The following MVB12B variants were observed in gnomAD, a reference collection of about 807,000 sequenced individuals.
MVB12B encodes the protein multivesicular body subunit 12B.
In MVB12B, 16 loss-of-function variants were observed where a neutral mutation model predicts 41.6. The ratio of observed to expected loss-of-function variants is 0.38; its 90% CI spans 0.26 to 0.58. The LOEUF (loss-of-function observed/expected upper bound fraction) is 0.58. MVB12B is among the 20% of genes least tolerant of loss of function. The pLI is 0.62. For missense variants in MVB12B, 274 were observed against 380.2 expected, an observed-to-expected ratio of 0.72 and a Z score of 2.32; for synonymous variants, 133 against 139.7, an observed-to-expected ratio of 0.95 and a Z score of 0.34.
In MVB12B at chr9:126,351,624, G is replaced by A. The variant is rs140903814; in HGVS notation, c.204+10994G>A. Reference sequence around the variant, plus strand: ...CTGCCTCAGCCCCCAAAGTAGCTGCGATTAACAGGCATGTGCCACCATGCC... The same window carrying A: ...CTGCCTCAGCCCCCAAAGTAGCTGCAATTAACAGGCATGTGCCACCATGCC... On this transcript the variant is annotated intron_variant, in intron 2 of 9. Coordinates refer to ENST00000361171, the MANE Select transcript of MVB12B (RefSeq NM_033446.3). Among the ~76,000 whole-genome samples, 268 of 151,754 alleles carry A rather than the reference G, an allele frequency of 1.8e-3. 1 individual carries two copies. The highest frequency in any genetic ancestry group is 6.2e-3 in the African/African-American group (258 of 41,354).
rs1378632767 is a variant in MVB12B, at chr9:126,391,351, C to G, written c.410-715C>G. 6.6e-6 allele frequency among the ~76,000 whole-genome samples: 1 copy of G among 152,166 alleles called. No homozygotes were observed. The highest frequency in any genetic ancestry group is 1.5e-5 in the Non-Finnish European group (1 of 68,032). On this transcript the variant is annotated intron_variant, in intron 4 of 9. Transcript: ENST00000361171. This position sits in a 1 kb window ranked among gnomAD's most constrained non-coding sequence, Gnocchi z 4.4. Reference sequence around the variant, plus strand: ...TCCAGAGTCAAATGATCTGGGAGGCCTGACACCCAGAGGCAGTGTTTCAGC... The same window carrying G: ...TCCAGAGTCAAATGATCTGGGAGGCGTGACACCCAGAGGCAGTGTTTCAGC...
Position 126,436,234 on chromosome 9 carries a change from G to A in MVB12B, c.757+14286G>A, listed in dbSNP as rs990754952. Reference sequence around the variant, plus strand: ...TTGGGGTCCTTTCTGGTCTGGAGGGGCTTGCCCTTTGATGATTGGGATGTT... The same window carrying A: ...TTGGGGTCCTTTCTGGTCTGGAGGGACTTGCCCTTTGATGATTGGGATGTT... On this transcript the variant is annotated intron_variant, in intron 7 of 9. Transcript: ENST00000361171. This position sits in a 1 kb window ranked among gnomAD's most constrained non-coding sequence, Gnocchi z 4.1. 6.6e-6 allele frequency among the ~76,000 whole-genome samples: 1 copy of A among 152,204 alleles called. No individual in the cohort carries two copies. The highest frequency in any genetic ancestry group is 1.5e-5 in the Non-Finnish European group (1 of 68,034).
chr9:126,480,187 G>A lies in MVB12B; in HGVS notation c.758-1182G>A, dbSNP rs1350176645. 2.6e-5 allele frequency among the ~76,000 whole-genome samples: 4 copies of A among 152,102 alleles called. No homozygotes were observed. The highest frequency in any genetic ancestry group is 9.7e-5 in the African/African-American group (4 of 41,414). ...CTGCATAGCCACCACCTCAGGGTGC[G>A]GCCACCCCTGACTTCGGGGCTCCGC... On this transcript the variant is annotated intron_variant, in intron 7 of 9. Transcript: ENST00000361171. The surrounding 1 kb of genome is among the most constrained non-coding windows in gnomAD (Gnocchi z 4.9).
chr9:126,392,179 C>A lies in MVB12B; in HGVS notation c.523C>A (p.Gln175Lys), dbSNP rs1830976332. 1 of 1,614,174 alleles carries A rather than the reference C, an allele frequency of 6.2e-7. No homozygotes were observed. The change falls in exon 5 of 10, where the codon CAG (glutamine) becomes AAG (lysine). Residue 175 changes from glutamine (Q) to lysine (K), a missense_variant. Physicochemically the swap from Gln to Lys is moderately conservative, Grantham distance 53 (BLOSUM62 1). Transcript: ENST00000361171. This position sits in a 1 kb window ranked among gnomAD's most constrained non-coding sequence, Gnocchi z 4.8. ...GGGCCGGACCAAGCAGGCCCCGCCT[C>A]AGTACACGTTTATTGGGTGAGTCTT... ...IMGRTKQAPP[Q>K]YTFIGELNSM...
intron 2 of MVB12B, among the ~76,000 whole-genome samples, chr9:126,378,659 T>TCTTC (rs1349112368): frequency 6.6e-6 from 1 of 151,992 alleles, no homozygotes; most frequent in African/African-American, 2.4e-5. Context: ...TCTCTTTCTT[T>TCTTC]CTTCCCACCT....
chr9:126,418,851 T>C (rs1244125351), intron 6 of MVB12B, among the ~76,000 whole-genome samples: 2 of 152,194 alleles, frequency 1.3e-5, no homozygotes, highest in Non-Finnish European at 2.9e-5. Context: ...AGCCTTCTCC[T>C]ACCCTGCCCT....
intron 2 of MVB12B, among the ~76,000 whole-genome samples, chr9:126,353,857 T>C (rs1275820702): frequency 6.6e-6 from 1 of 152,212 alleles, no homozygotes; most frequent in African/African-American, 2.4e-5. Flanking sequence ...TTCATACATC[T>C]CTGGGTGTGT....
chr9:126,374,544 G>C (rs1040311436), intron 2 of MVB12B, among the ~76,000 whole-genome samples: 2 of 152,226 alleles, frequency 1.3e-5, no homozygotes, highest in Non-Finnish European at 2.9e-5. Flanking sequence ...AGACAGGGGT[G>C]GGGGCCAGGT....
At chr9:126,380,165 A>C (rs1830594773) in intron 2 of MVB12B, among the ~76,000 whole-genome samples, 1 of 152,164 alleles carries the variant, frequency 6.6e-6, no homozygotes, top group Non-Finnish European at 1.5e-5. Context: ...AGGGAGGCTG[A>C]GTCAGAAAAC....
intron 6 of MVB12B, among the ~76,000 whole-genome samples, chr9:126,403,520 G>A (rs1435024629): frequency 6.6e-6 from 1 of 152,194 alleles, no homozygotes; most frequent in Non-Finnish European, 1.5e-5. Flanking sequence ...GTGTATTTCT[G>A]TTTGATCTTA....
At chr9:126,461,888 G>T (rs1049622690) in intron 7 of MVB12B, among the ~76,000 whole-genome samples, 2 of 152,224 alleles carry the variant, frequency 1.3e-5, no homozygotes, top group African/African-American at 4.8e-5. Flanking sequence ...CCACCCGCCA[G>T]CCATTCATCT....
At chr9:126,450,335 C>T (rs902178413) in intron 7 of MVB12B, among the ~76,000 whole-genome samples, 1 of 152,226 alleles carries the variant, frequency 6.6e-6, no homozygotes, top group African/African-American at 2.4e-5. Flanking sequence ...TGGACTCTTA[C>T]CGCCTGCTCC....
In MVB12B at chr9:126,468,259, C is replaced by T. The variant is rs1452946999; in HGVS notation, c.758-13110C>T. On this transcript the variant is annotated intron_variant, in intron 7 of 9. Transcript: ENST00000361171. The surrounding 1 kb of genome is among the most constrained non-coding windows in gnomAD (Gnocchi z 4.3). Reference sequence around the variant, plus strand: ...GTTACTTCCAAACTCACCCTCACATCCCCGCCCGCCAGGCCTCATTTCTGG... The same window carrying T: ...GTTACTTCCAAACTCACCCTCACATTCCCGCCCGCCAGGCCTCATTTCTGG... 6.6e-6 allele frequency among the ~76,000 whole-genome samples: 1 copy of T among 152,216 alleles called. No homozygotes were observed. The highest frequency in any genetic ancestry group is 1.5e-5 in the Non-Finnish European group (1 of 68,046).
rs1376330957 is a variant in MVB12B, at chr9:126,367,016, C to G, written c.205-14048C>G. Reference sequence around the variant, plus strand: ...CTGAATGTTCCCACGAGACAGAGGCCAGAATCCTTCCAAGGCTTCTCTGCT... The same window carrying G: ...CTGAATGTTCCCACGAGACAGAGGCGAGAATCCTTCCAAGGCTTCTCTGCT... On this transcript the variant is annotated intron_variant, in intron 2 of 9. Transcript: ENST00000361171. The surrounding 1 kb of genome is among the most constrained non-coding windows in gnomAD (Gnocchi z 4.3). Among the ~76,000 whole-genome samples, 1 of 152,180 alleles carries G rather than the reference C, an allele frequency of 6.6e-6. No homozygotes were observed. Among genetic ancestry groups the G allele is most frequent in the Admixed American group, 6.5e-5 (1 of 15,284 alleles).
chr9:126,329,345 C>T (rs910823087), intron 1 of MVB12B, among the ~76,000 whole-genome samples: 3 of 152,218 alleles, frequency 2.0e-5, no homozygotes, highest in African/African-American at 7.2e-5. Flanking sequence ...CAGGAGGTGG[C>T]GGTCCTCATG....
chr9:126,479,357 T>G (rs924465672), intron 7 of MVB12B, among the ~76,000 whole-genome samples: 1 of 152,200 alleles, frequency 6.6e-6, no homozygotes, highest in Non-Finnish European at 1.5e-5. Flanking sequence ...CACCTCTTCC[T>G]GGATATCCGG....
intron 2 of MVB12B, among the ~76,000 whole-genome samples, chr9:126,380,618 C>G (rs900023437): frequency 6.6e-6 from 1 of 152,160 alleles, no homozygotes; most frequent in African/African-American, 2.4e-5. Context: ...ACTGAAGCAC[C>G]CAGCTGGTCC....
intron 2 of MVB12B, among the ~76,000 whole-genome samples, chr9:126,358,653 C>A (rs1829947806): frequency 6.6e-6 from 1 of 152,202 alleles, no homozygotes; most frequent in Non-Finnish European, 1.5e-5. Flanking sequence ...ATTCTGCAAT[C>A]TTGTTAAACT....
intron 7 of MVB12B, among the ~76,000 whole-genome samples, chr9:126,454,337 G>A (rs1832938139): frequency 6.6e-6 from 1 of 152,224 alleles, no homozygotes; most frequent in Admixed American, 6.5e-5. Flanking sequence ...CACCAATAGT[G>A]TGTTGTTCCA....
Sources: allele counts gnomAD v4.1 joint callset (sites outside exome capture counted in the v4.1 genomes callset), GRCh38; gene constraint gnomAD v4.1.1; non-coding constraint Gnocchi (gnomAD v3.1); transcripts MANE v1.5; gene names NCBI Gene and HGNC (gene_info 2026-07-23, HGNC 2026-07-21).